ADCY8: variants seen among roughly 807,000 people sequenced by gnomAD.
ADCY8 encodes adenylate cyclase 8.
ADCY8 carries 51 observed loss-of-function variants against 119.7 expected under a neutral mutation model. That is an observed-to-expected ratio of 0.43 (90% CI 0.34 to 0.54). The LOEUF (loss-of-function observed/expected upper bound fraction) is 0.54. Among genes scored for constraint, ADCY8 ranks in the 20% least tolerant of loss-of-function variants. The pLI, the probability that ADCY8 is intolerant of heterozygous loss-of-function variation, is 0.03. For missense variants in ADCY8, 1,383 were observed against 1,598.8 expected (o/e 0.87, Z 2.30); for synonymous variants, 665 against 651.0 (o/e 1.02, Z -0.33).
chr8:130,882,414 C>T (rs1818810844), intron 8 of ADCY8, among the ~76,000 whole-genome samples: 1 of 152,114 alleles, frequency 6.6e-6, no homozygotes, highest in Admixed American at 6.6e-5. Context: ...CTTAGCCTCT[C>T]CTGTAAACTC....
In ADCY8 at chr8:130,882,885, G is replaced by A. The variant is rs114183075; in HGVS notation, c.2109+1679C>T. On this transcript the variant is annotated intron_variant, in intron 8 of 17. Coordinates refer to ENST00000286355, the MANE Select transcript of ADCY8 (RefSeq NM_001115.3). The stretch of plus-strand genomic sequence containing the variant: ...AAGAGTCAGTGAAGAATATCTCGGT[G>A]ACAGGAGAGGAGTGATCGTTTGCTG... Among the ~76,000 whole-genome samples, 679 of 152,262 alleles carry A rather than the reference G, an allele frequency of 4.5e-3. 3 individuals are homozygous for A. Among genetic ancestry groups the A allele is most frequent in the African/African-American group, 0.016 (654 of 41,558 alleles).
intron 3 of ADCY8, among the ~76,000 whole-genome samples, chr8:130,947,393 A>G (rs1821137002): frequency 6.6e-6 from 1 of 152,214 alleles, no homozygotes; most frequent in Non-Finnish European, 1.5e-5. Flanking sequence ...TAGGACTACC[A>G]TAAGAAGACA....
intron 12 of ADCY8, among the ~76,000 whole-genome samples, chr8:130,832,505 C>T (rs1182729576): frequency 6.6e-6 from 1 of 152,202 alleles, no homozygotes. Flanking sequence ...TGCCAATTCA[C>T]TACCGAGTGA....
intron 5 of ADCY8, among the ~76,000 whole-genome samples, chr8:130,919,866 C>T (rs376619972): frequency 6.6e-6 from 1 of 152,162 alleles, no homozygotes; most frequent in South Asian, 2.1e-4. Context: ...TGGCAATGAG[C>T]TGAAGTCACT....
Position 130,780,861 on chromosome 8 carries a change from T to C in ADCY8, c.3285A>G (p.Ser1095=), listed in dbSNP as rs1263145908. ...TAGCGCCGATAACGCCAGCTACCAC[T>C]GAGCCGTGGCTGATGCCTGGGGGGT... The part of the protein sequence containing the change: ...FELRIGISHG[S]VVAGVIGAKK... The change falls in exon 18 of 18, where the codon TCA becomes TCG. Residue 1095 remains serine (S), a synonymous_variant. Transcript: ENST00000286355. 1.9e-6 allele frequency: 3 copies of C among 1,613,778 alleles called. No individual in the cohort carries two copies. The highest frequency in any genetic ancestry group is 2.5e-6 in the Non-Finnish European group (3 of 1,179,718).
chr8:131,039,880 C>A lies in ADCY8; in HGVS notation c.454G>T (p.Val152Phe), dbSNP rs1287628143. 5.0e-6 allele frequency: 8 copies of A among 1,613,882 alleles called. 1 individual carries two copies. The highest frequency in any genetic ancestry group is 2.2e-5 in the East Asian group (1 of 44,886). ...FLNGGYSYRG[V>F]IFPTLRNSFK... ...GAGTTGCGCAGGGTGGGGAAAATGACCCCTCGGTAGCTATAGCCCCCATTA... is the reference window on the plus strand; with the variant it reads ...GAGTTGCGCAGGGTGGGGAAAATGAACCCTCGGTAGCTATAGCCCCCATTA... The change falls in exon 1 of 18, where the codon GTC becomes TTC. Residue 152 changes from valine (V) to phenylalanine (F), a missense_variant. Around this residue, in one of 2 missense-constraint regions of ADCY8, gnomAD observed 455 missense variants for 435.3 expected, o/e 1.05. Transcript: ENST00000286355.
At chr8:130,965,417 C>T (rs1017525408) in intron 2 of ADCY8, among the ~76,000 whole-genome samples, 38 of 152,158 alleles carry the variant, frequency 2.5e-4, no homozygotes, top group Admixed American at 8.5e-4. Flanking sequence ...AGTCATTCCC[C>T]AAACCTCAGC....
At chr8:130,925,466 T>C (rs527598327) in intron 5 of ADCY8, among the ~76,000 whole-genome samples, 8 of 152,156 alleles carry the variant, frequency 5.3e-5, no homozygotes, top group African/African-American at 1.9e-4. Flanking sequence ...GACGAGGCCA[T>C]GGAGGCTATA....
At chr8:130,980,293 T>A (rs928083971) in intron 2 of ADCY8, among the ~76,000 whole-genome samples, 1 of 152,182 alleles carries the variant, frequency 6.6e-6, no homozygotes, top group Admixed American at 6.5e-5. Flanking sequence ...TAAGATCACA[T>A]TTTGAGGTTC....
At chr8:130,914,122 C>T (rs1820059668) in intron 5 of ADCY8, among the ~76,000 whole-genome samples, 1 of 152,104 alleles carries the variant, frequency 6.6e-6, no homozygotes. Context: ...AAGTAGGATT[C>T]CAGGACTAAA....
At chr8:130,928,122 C>T (rs975477990) in intron 5 of ADCY8, among the ~76,000 whole-genome samples, 5 of 152,006 alleles carry the variant, frequency 3.3e-5, no homozygotes, top group East Asian at 3.9e-4. Flanking sequence ...CTGTGGCTGC[C>T]GAAGAGAATA....
intron 17 of ADCY8, among the ~76,000 whole-genome samples, chr8:130,781,342 C>G (rs1014174388): frequency 1.3e-5 from 2 of 152,192 alleles, no homozygotes; most frequent in Non-Finnish European, 2.9e-5. Flanking sequence ...GCATCATTCC[C>G]TTGGTCCATG....
At chr8:131,037,715 T>C (rs554427227) in intron 1 of ADCY8, among the ~76,000 whole-genome samples, 154 of 152,190 alleles carry the variant, frequency 1.0e-3, no homozygotes, top group African/African-American at 3.7e-3. Flanking sequence ...TGTCTATGTA[T>C]ACAACAAAGA....
intron 2 of ADCY8, among the ~76,000 whole-genome samples, chr8:130,960,225 G>A (rs1158634921): frequency 6.6e-6 from 1 of 152,084 alleles, no homozygotes; most frequent in African/African-American, 2.4e-5. Context: ...GACTTGTAAA[G>A]GATGGAACCT....
chr8:130,992,723 A>T (rs192116813), intron 1 of ADCY8, among the ~76,000 whole-genome samples: 149 of 152,122 alleles, frequency 9.8e-4, no homozygotes, highest in Admixed American at 1.8e-3. Context: ...CCAAAAAAAA[A>T]TTTTTAAATG....
rs2130027024 is a variant in ADCY8 at position 130,780,887 on chromosome 8, G to T, written c.3269-10C>A. ...GAGCCGTGGCTGATGCCTGGGGGGT[G>T]AAGCAAAGGAGCAAGAAGTCAGAGG... On this transcript the variant is annotated splice_polypyrimidine_tract_variant and intron_variant, in intron 17 of 17. Coordinates refer to ENST00000286355, the MANE Select transcript of ADCY8 (RefSeq NM_001115.3). 1 of 1,611,408 alleles carries T rather than the reference G, an allele frequency of 6.2e-7. No homozygotes were observed. The highest frequency in any genetic ancestry group is 1.1e-5 in the South Asian group (1 of 90,928).
chr8:130,943,419 T>G lies in ADCY8; in HGVS notation c.1285A>C (p.Thr429Pro). The change falls in exon 4 of 18, where the codon ACC becomes CCC. Residue 429 changes from threonine (T) to proline (P), a missense_variant. Thr to Pro is a conservative substitution (Grantham distance 38). Around this residue, in one of 2 missense-constraint regions of ADCY8, gnomAD observed 928 missense variants for 1,163.5 expected, o/e 0.80. Transcript: ENST00000286355. ...CTGACCAGCTCCTGAGCAGACAAGG[T>G]CGTGGAGAGGTTGGTAAATCCTTTA... ...DVKGFTNLST[T>P]LSAQELVRML... 6.2e-7 allele frequency: 1 copy of G among 1,602,688 alleles called. No individual in the cohort carries two copies. The highest frequency in any genetic ancestry group is 8.5e-7 in the Non-Finnish European group (1 of 1,178,648).
intron 7 of ADCY8, among the ~76,000 whole-genome samples, chr8:130,896,812 C>T: frequency 6.6e-6 from 1 of 152,018 alleles, no homozygotes; most frequent in Non-Finnish European, 1.5e-5. Context: ...TAACTGTAAA[C>T]AGTGGATGTC....
intron 1 of ADCY8, among the ~76,000 whole-genome samples, chr8:131,009,714 T>C (rs1207835293): frequency 6.6e-6 from 1 of 152,236 alleles, no homozygotes; most frequent in Non-Finnish European, 1.5e-5. Flanking sequence ...TAGAGTAGAA[T>C]CTGTAGATGG....
Sources: allele counts gnomAD v4.1 joint callset (sites outside exome capture counted in the v4.1 genomes callset), GRCh38; gene constraint gnomAD v4.1.1; regional missense constraint gnomAD v4.1.1; transcripts MANE v1.5; gene names NCBI Gene and HGNC (gene_info 2026-07-23, HGNC 2026-07-21).